CACNB2: variants seen among roughly 807,000 people sequenced by gnomAD.
The protein encoded by CACNB2 is calcium voltage-gated channel auxiliary subunit beta 2, also known as voltage-dependent L-type calcium channel subunit beta-2.
In CACNB2, 42 loss-of-function variants were observed where a neutral mutation model predicts 73.3. The observed-to-expected ratio is 0.57, with a 90% confidence interval of 0.45 to 0.74. The LOEUF (loss-of-function observed/expected upper bound fraction) is 0.74, where lower values mean the gene tolerates loss of function less well. Ranked by LOEUF, CACNB2 falls within the 30% of genes least tolerant of loss-of-function variation. The probability of loss-of-function intolerance (pLI) is 0.00; values close to 1 mark genes in which losing one functional copy is unlikely to be tolerated. For missense variants in CACNB2, 940 were observed against 853.0 expected (o/e 1.10, Z -1.27); for synonymous variants, 348 against 310.3 (o/e 1.12, Z -1.28).
chr10:18,529,562 A>G (rs575596581), intron 10 of CACNB2, among the ~76,000 whole-genome samples: 1 of 152,332 alleles, frequency 6.6e-6, no homozygotes, highest in African/African-American at 2.4e-5. Flanking sequence ...GATTTAGCCA[A>G]GAAAAAAGGG....
chr10:18,186,296 G>C (rs1347460604), intron 2 of CACNB2, among the ~76,000 whole-genome samples: 2 of 152,030 alleles, frequency 1.3e-5, no homozygotes, highest in African/African-American at 2.4e-5. Context: ...GTGCATGCCT[G>C]TAATCCCAGC....
At position 18,342,131 on chromosome 10, in the gene CACNB2, C is replaced by A. The variant is rs376585677; in HGVS notation, c.214-59793C>A. Among the ~76,000 whole-genome samples, 4 of 152,272 alleles carry A rather than the reference C, an allele frequency of 2.6e-5. No individual in the cohort carries two copies. The East Asian group carries it at 7.7e-4, about 29-fold the overall frequency. On this transcript the variant is annotated intron_variant, in intron 2 of 13. Coordinates refer to ENST00000324631, the MANE Select transcript of CACNB2 (RefSeq NM_201596.3). The stretch of plus-strand genomic sequence containing the variant: ...TCTGGAATCATTTCCTGTAAACTTG[C>A]TTGCTTTTTAAGAATATTATCAAAC...
At chr10:18,239,037 G>A (rs1235810445) in intron 2 of CACNB2, among the ~76,000 whole-genome samples, 1 of 152,074 alleles carries the variant, frequency 6.6e-6, no homozygotes, top group Non-Finnish European at 1.5e-5. Context: ...TTTGAATCTT[G>A]CAAAAATCTT....
At chr10:18,192,440 T>A (rs1481180124) in intron 2 of CACNB2, among the ~76,000 whole-genome samples, 1 of 152,166 alleles carries the variant, frequency 6.6e-6, no homozygotes, top group Non-Finnish European at 1.5e-5. Flanking sequence ...CGCCAACTCC[T>A]GGGCTCAAGT....
rs757232667 is a variant in CACNB2 at position 18,514,386 on chromosome 10, A to C, written c.804+17A>C. ...TTTAAGAAGGTAACATTAACTTCCA[A>C]GCTCCCATTGTCCACCTGCTCAACT... On this transcript the variant is annotated intron_variant, in intron 7 of 13. Coordinates refer to ENST00000324631, the MANE Select transcript of CACNB2 (RefSeq NM_201596.3). 1 of 1,614,082 alleles carries C rather than the reference A, an allele frequency of 6.2e-7. No homozygotes were observed. Among genetic ancestry groups the C allele is most frequent in the Non-Finnish European group, 8.5e-7 (1 of 1,180,018 alleles).
chr10:18,146,501 A>G (rs550190294), intron 1 of CACNB2, among the ~76,000 whole-genome samples: 6 of 150,862 alleles, frequency 4.0e-5, no homozygotes, highest in East Asian at 3.9e-4. Context: ...TTTTCGAGAC[A>G]GAATCTCGCT....
intron 4 of CACNB2, 25 bp from the exon 5 acceptor site, chr10:18,500,787 T>C (rs1390954666): frequency 1.2e-6 from 2 of 1,611,896 alleles, no homozygotes; most frequent in Admixed American, 3.3e-5. Context: ...GCACTGATTT[T>C]TAATGCTTTT....
chr10:18,417,338 C>G (rs1271173862), intron 3 of CACNB2, among the ~76,000 whole-genome samples: 1 of 129,030 alleles, frequency 7.8e-6, no homozygotes, highest in African/African-American at 3.0e-5. Flanking sequence ...ATTATTTAAA[C>G]AAAAATCTTG....
intron 1 of CACNB2, chr10:18,141,158 C>A: frequency 7.6e-7 from 1 of 1,315,686 alleles, no homozygotes; most frequent in South Asian, 1.2e-5. Flanking sequence ...CGCCCCTTCC[C>A]GGGAGAGGCA....
At chr10:18,276,237 A>G (rs1054740565) in intron 2 of CACNB2, among the ~76,000 whole-genome samples, 9 of 152,214 alleles carry the variant, frequency 5.9e-5, no homozygotes, top group Admixed American at 1.3e-4. Context: ...AGAATAAGCA[A>G]CGTTAAGAAG....
At chr10:18,151,067 T>C (rs946077993) in intron 2 of CACNB2, 92 bp downstream of exon 2, 2 of 835,882 alleles carry the variant, frequency 2.4e-6, no homozygotes, top group African/African-American at 3.3e-5. Flanking sequence ...AAGATTTATG[T>C]AGTATGATTG....
At chr10:18,387,714 G>C (rs975411679) in intron 2 of CACNB2, among the ~76,000 whole-genome samples, 2 of 151,692 alleles carry the variant, frequency 1.3e-5, no homozygotes, top group African/African-American at 4.8e-5. Context: ...CCTCGTGCAA[G>C]TCAACAGACA....
chr10:18,502,536 A>C (rs1025012322), intron 5 of CACNB2, among the ~76,000 whole-genome samples: 24 of 151,060 alleles, frequency 1.6e-4, no homozygotes, highest in African/African-American at 4.6e-4. Context: ...TAAAAAAAAA[A>C]AAAAATTAGC....
At position 18,340,986 on chromosome 10, in the gene CACNB2, A is replaced by C. The variant is rs377533233; in HGVS notation, c.214-60938A>C. The C allele has an allele frequency of 6.2e-7, 1 of 1,614,038 alleles. No homozygotes were observed. Among genetic ancestry groups the C allele is most frequent in the Non-Finnish European group, 8.5e-7 (1 of 1,179,940 alleles). Reference sequence around the variant, plus strand: ...AATACATTATTCCTGGGGTAAGCATACGGGAGAGAAGCCGGCCAGATGCAC... The same window carrying C: ...AATACATTATTCCTGGGGTAAGCATCCGGGAGAGAAGCCGGCCAGATGCAC... On this transcript the variant is annotated intron_variant, in intron 2 of 13. Coordinates refer to ENST00000324631, the MANE Select transcript of CACNB2 (RefSeq NM_201596.3).
At chr10:18,357,304 T>C (rs1332437624) in intron 2 of CACNB2, among the ~76,000 whole-genome samples, 1 of 152,158 alleles carries the variant, frequency 6.6e-6, no homozygotes, top group Non-Finnish European at 1.5e-5. Flanking sequence ...GTGAAATGTA[T>C]AGTTAATGCA....
At position 18,338,788 on chromosome 10, in the gene CACNB2, C is replaced by A. The variant is rs76172908; in HGVS notation, c.214-63136C>A. The stretch of plus-strand genomic sequence containing the variant: ...GAGGGTCTTGGCTCCACCCAGGCTG[C>A]AGTGCAGTGGTATGATCATAGCTCA... On this transcript the variant is annotated intron_variant, in intron 2 of 13. Transcript: ENST00000324631. 1.1e-3 allele frequency among the ~76,000 whole-genome samples: 151 copies of A among 136,394 alleles called. 1 individual carries two copies. The East Asian group carries it at 0.028, about 25-fold the overall frequency. The allele number at this position is 136,394 out of a possible 152,430, so 89.5% of individuals were successfully genotyped here.
chr10:18,460,661 C>T (rs1447199151), intron 3 of CACNB2, among the ~76,000 whole-genome samples: 6 of 151,964 alleles, frequency 3.9e-5, no homozygotes, highest in Non-Finnish European at 7.4e-5. Flanking sequence ...GAGGTCAAGG[C>T]GGGAAGATCA....
chr10:18,299,067 T>TA (rs71402154), intron 2 of CACNB2, among the ~76,000 whole-genome samples: 57,551 of 120,568 alleles, frequency 0.48, 12,449 homozygotes, highest in Admixed American at 0.51. Context: ...TAAAGTATAC[T>TA]AAAAAAAAAA....
chr10:18,310,348 G>A (rs921648375), intron 2 of CACNB2, among the ~76,000 whole-genome samples: 6 of 151,870 alleles, frequency 4.0e-5, no homozygotes, highest in African/African-American at 9.7e-5. Flanking sequence ...GCTCACGCCC[G>A]TAATCCCAAC....
Sources: allele counts gnomAD v4.1 joint callset (sites outside exome capture counted in the v4.1 genomes callset), GRCh38; gene constraint gnomAD v4.1.1; transcripts MANE v1.5; gene names NCBI Gene and HGNC (gene_info 2026-07-23, HGNC 2026-07-21).